Variants in ARIH1 observed in about 807,000 individuals in gnomAD.
ARIH1 encodes the protein ariadne RBR E3 ubiquitin protein ligase 1.
In ARIH1, 8 loss-of-function variants were observed where a neutral mutation model predicts 85.0. The ratio of observed to expected loss-of-function variants is 0.09; its 90% CI spans 0.06 to 0.17. ARIH1 has a LOEUF of 0.17. Among genes scored for constraint, ARIH1 ranks in the 10% least tolerant of loss-of-function variants. ARIH1 has a pLI of 1.00. For missense variants in ARIH1, 311 were observed against 718.1 expected, an observed-to-expected ratio of 0.43 and a Z score of 6.48; for synonymous variants, 238 against 253.6, an observed-to-expected ratio of 0.94 and a Z score of 0.59.
In ARIH1 at chr15:72,555,860, G is replaced by C. The variant is rs145297013; in HGVS notation, c.690G>C (p.Ser230=). The stretch of plus-strand genomic sequence containing the variant: ...ATTTCAATCTTTTTCAGACTATTTC[G>C]TGTCCTGCTCATGGTTGTGATATCT... The part of the protein sequence containing the change: ...IMEEGMGQTI[S]CPAHGCDILV... Residue 230 remains serine, a synonymous_variant, in exon 5 of 14, where the codon TCG becomes TCC. Coordinates refer to ENST00000379887, the MANE Select transcript of ARIH1 (RefSeq NM_005744.5). 2 of 1,612,522 alleles carry C rather than the reference G, an allele frequency of 1.2e-6. No individual in the cohort carries two copies. Among genetic ancestry groups the C allele is most frequent in the Admixed American group, 1.7e-5 (1 of 59,942 alleles).
In ARIH1 at chr15:72,596,639, TTTTC is replaced by T. The variant is rs1361470365; in HGVS notation, c.*13351_*13354del. 3 of 152,176 alleles carry T rather than the reference TTTTC, an allele frequency of 2.0e-5. No individual in the cohort carries two copies. The highest frequency in any genetic ancestry group is 4.4e-5 in the Non-Finnish European group (3 of 68,028). 9.4% of individuals were successfully genotyped at this position (152,176 alleles called of 1,614,324 possible). A position where few individuals can be genotyped will look rare whatever the true frequency, so the allele number is the denominator to read the frequency against. On this transcript the variant is annotated 3_prime_UTR_variant, in exon 14 of 14. Coordinates refer to ENST00000379887, the MANE Select transcript of ARIH1 (RefSeq NM_005744.5). ...CTCAGATGATTTTTCCCCTGCCCTGTTTTCTTTTTGTTTTCAGTTTGGATACTTT... is the reference window on the plus strand; with the variant it reads ...CTCAGATGATTTTTCCCCTGCCCTGTTTTTTGTTTTCAGTTTGGATACTTT...
Position 72,593,997 on chromosome 15 carries a change from T to G in ARIH1, c.*10705T>G, listed in dbSNP as rs969837935. The G allele has an allele frequency of 2.0e-5, 3 of 151,962 alleles. No homozygotes were observed. Among genetic ancestry groups the G allele is most frequent in the African/African-American group, 7.2e-5 (3 of 41,412 alleles). The allele number at this position is 151,962 out of a possible 1,614,324, so 9.4% of individuals were successfully genotyped here. On this transcript the variant is annotated 3_prime_UTR_variant, in exon 14 of 14. Transcript: ENST00000379887. ...ATTTAGAATGAACATTTTAATAGTA[T>G]TGAGTCAGCTAATTCATGAACATAT...
intron 1 of ARIH1, among the ~76,000 whole-genome samples, chr15:72,489,177 A>C (rs1194287411): frequency 6.6e-6 from 1 of 151,534 alleles, no homozygotes; most frequent in Non-Finnish European, 1.5e-5. Context: ...TCAGGAGGTC[A>C]ATCAAGGCTG....
intron 1 of ARIH1, among the ~76,000 whole-genome samples, chr15:72,482,155 A>G (rs2063819072): frequency 6.6e-6 from 1 of 152,094 alleles, no homozygotes; most frequent in Non-Finnish European, 1.5e-5. Flanking sequence ...AAATAGACAA[A>G]CTAAACTAGT....
intron 9 of ARIH1, among the ~76,000 whole-genome samples, chr15:72,568,840 T>A (rs1157934947): frequency 6.6e-6 from 1 of 152,218 alleles, no homozygotes; most frequent in Non-Finnish European, 1.5e-5. Flanking sequence ...TGGCCTATTT[T>A]AAATTGCTAT....
rs528177692 is a variant in ARIH1, at chr15:72,529,630, A to G, written c.443+11496A>G. Among the ~76,000 whole-genome samples, 6 of 152,332 alleles carry G rather than the reference A, an allele frequency of 3.9e-5. No individual in the cohort carries two copies. The South Asian group carries it at 8.3e-4, about 21-fold the overall frequency. ...CGTAGAGATAAGTTTTTATGGCTCC[A>G]TGGTACTTAGAGATAAATTTTTATT... On this transcript the variant is annotated intron_variant, in intron 2 of 13. Coordinates refer to ENST00000379887, the MANE Select transcript of ARIH1 (RefSeq NM_005744.5).
At chr15:72,578,385 C>G (rs1164844631) in intron 11 of ARIH1, among the ~76,000 whole-genome samples, 2 of 152,176 alleles carry the variant, frequency 1.3e-5, no homozygotes, top group African/African-American at 4.8e-5. Context: ...ATAGCATTGA[C>G]AGTCCCTTCC....
At chr15:72,527,886 A>G (rs2064037557) in intron 2 of ARIH1, among the ~76,000 whole-genome samples, 1 of 152,154 alleles carries the variant, frequency 6.6e-6, no homozygotes, top group African/African-American at 2.4e-5. Flanking sequence ...TTGTATTCCT[A>G]CACATAACGC....
At chr15:72,503,953 T>G (rs1440942579) in intron 1 of ARIH1, among the ~76,000 whole-genome samples, 1 of 152,256 alleles carries the variant, frequency 6.6e-6, no homozygotes, top group Non-Finnish European at 1.5e-5. Context: ...CTCCACCGTC[T>G]GTGGACAGCG....
chr15:72,482,568 TG>T (rs1454282862), intron 1 of ARIH1, among the ~76,000 whole-genome samples: 1 of 152,216 alleles, frequency 6.6e-6, no homozygotes, highest in Non-Finnish European at 1.5e-5. Flanking sequence ...TGGATAATAA[TG>T]TAGAACCTGG....
intron 1 of ARIH1, among the ~76,000 whole-genome samples, chr15:72,492,681 ATGT>A (rs1309067231): frequency 5.9e-5 from 9 of 152,196 alleles, no homozygotes; most frequent in Non-Finnish European, 1.0e-4. Flanking sequence ...GGCCCTAAAA[ATGT>A]TGTCTGTTTT....
Position 72,591,219 on chromosome 15 carries a change from C to CAAAAAAAAAAAAA in ARIH1, c.*7939_*7951dup. The CAAAAAAAAAAAAA allele has an allele frequency of 2.3e-5, 1 of 44,084 alleles. No homozygotes were observed. The highest frequency in any genetic ancestry group is 5.1e-5 in the Non-Finnish European group (1 of 19,556). 2.7% of individuals were successfully genotyped at this position (44,084 alleles called of 1,614,324 possible). Reference sequence around the variant, plus strand: ...CCTGGGCGACAGAGAGACTCTGTCTCAAAAAAAAAAAAAAAAAAAAAAAAG... The same window carrying CAAAAAAAAAAAAA: ...CCTGGGCGACAGAGAGACTCTGTCTCAAAAAAAAAAAAAAAAAAAAAAAAAAAAAAAAAAAAAG... On this transcript the variant is annotated 3_prime_UTR_variant, in exon 14 of 14. Transcript: ENST00000379887.
At chr15:72,517,244 T>C (rs1301139653) in intron 1 of ARIH1, among the ~76,000 whole-genome samples, 6 of 152,184 alleles carry the variant, frequency 3.9e-5, no homozygotes, top group Admixed American at 3.9e-4. Context: ...TTTGAACTCA[T>C]TTGAACTATT....
chr15:72,524,437 A>G (rs1412110546), intron 2 of ARIH1, among the ~76,000 whole-genome samples: 2 of 150,896 alleles, frequency 1.3e-5, no homozygotes. Flanking sequence ...CTGGTCTGGA[A>G]CTCTGACCTC....
At chr15:72,494,917 G>T (rs938444023) in intron 1 of ARIH1, among the ~76,000 whole-genome samples, 2 of 151,776 alleles carry the variant, frequency 1.3e-5, no homozygotes, top group Non-Finnish European at 2.9e-5. Context: ...CTGTGACTTC[G>T]TATGTAAATT....
At position 72,499,029 on chromosome 15, in the gene ARIH1, G is replaced by A. The variant is rs557795668; in HGVS notation, c.376-19038G>A. On this transcript the variant is annotated intron_variant, in intron 1 of 13. Transcript: ENST00000379887. The stretch of plus-strand genomic sequence containing the variant: ...AAAGTCTTGCTCTGTCACCCAGGCT[G>A]GAGTGCAGTAGTGTGATCTCGGCTC... Among the ~76,000 whole-genome samples the A allele has an allele frequency of 2.7e-3, 331 of 123,154 alleles. 1 individual carries two copies. The highest frequency in any genetic ancestry group is 7.0e-3 in the Middle Eastern group (1 of 142). The allele number at this position is 123,154 out of a possible 152,430, so 80.8% of individuals were successfully genotyped here. A position where few individuals can be genotyped will look rare whatever the true frequency, so the allele number is the denominator to read the frequency against.
chr15:72,498,938 A>G (rs1434094057), intron 1 of ARIH1, among the ~76,000 whole-genome samples: 1 of 130,928 alleles, frequency 7.6e-6, no homozygotes, highest in Non-Finnish European at 1.5e-5. Flanking sequence ...TTGCCTTTTT[A>G]TGTCGTTTGC....
rs549978259 is a variant in ARIH1 at position 72,555,093 on chromosome 15, C to G, written c.589-178C>G. 2.4e-4 allele frequency among the ~76,000 whole-genome samples: 36 copies of G among 152,224 alleles called. No individual in the cohort carries two copies. In the South Asian group the frequency reaches 7.3e-3, roughly 31 times the overall value. Reference sequence around the variant, plus strand: ...GCCTTTCCTAAGATGTATGTGTGTTCGGTGTATCTGCATGTCTAGATTCAC... The same window carrying G: ...GCCTTTCCTAAGATGTATGTGTGTTGGGTGTATCTGCATGTCTAGATTCAC... On this transcript the variant is annotated intron_variant, in intron 3 of 13. Coordinates refer to ENST00000379887, the MANE Select transcript of ARIH1 (RefSeq NM_005744.5).
At chr15:72,562,607 T>G (rs796778998) in intron 6 of ARIH1, among the ~76,000 whole-genome samples, 10 of 146,824 alleles carry the variant, frequency 6.8e-5, no homozygotes, top group African/African-American at 2.2e-4. Context: ...TTTTTGTTTG[T>G]TTTTTTTTTT....
Sources: allele counts gnomAD v4.1 joint callset (sites outside exome capture counted in the v4.1 genomes callset), GRCh38; gene constraint gnomAD v4.1.1; transcripts MANE v1.5; gene names NCBI Gene and HGNC (gene_info 2026-07-23, HGNC 2026-07-21).